CYTH1: variants seen among roughly 807,000 people sequenced by gnomAD.
CYTH1 encodes the protein cytohesin-1.
A neutral mutation model predicts 61.8 loss-of-function variants in CYTH1; 18 were observed. That is an observed-to-expected ratio of 0.29 (90% CI 0.20 to 0.43). CYTH1 has a LOEUF of 0.43. Ranked by LOEUF, CYTH1 falls within the 20% of genes least tolerant of loss-of-function variation. The pLI, the probability that CYTH1 is intolerant of heterozygous loss-of-function variation, is 1.00. For missense variants in CYTH1, 336 were observed against 510.5 expected (o/e 0.66, Z 3.29); for synonymous variants, 174 against 184.3 (o/e 0.94, Z 0.45).
intron 9 of CYTH1, 68 bp downstream of exon 9, chr17:78,698,189 GCACGCACGCACA>G (rs1198038617): frequency 8.9e-7 from 1 of 1,126,878 alleles, no homozygotes; most frequent in Admixed American, 1.9e-5. Context: ...GCGCACACAC[GCACGCACGCACA>G]CACGCACACA....
chr17:78,740,274 C>A (rs560032489), intron 1 of CYTH1, among the ~76,000 whole-genome samples: 2 of 152,294 alleles, frequency 1.3e-5, no homozygotes, highest in South Asian at 4.1e-4. Context: ...AACCAGGTCC[C>A]CCATCTCCAC....
chr17:78,679,980 A>G (rs1393795681), intron 13 of CYTH1, among the ~76,000 whole-genome samples: 3 of 152,226 alleles, frequency 2.0e-5, no homozygotes, highest in Non-Finnish European at 2.9e-5. Context: ...TGGGGAACCC[A>G]GATGGGACGT....
chr17:78,779,673 T>C (rs1420555925), intron 1 of CYTH1, among the ~76,000 whole-genome samples: 1 of 152,174 alleles, frequency 6.6e-6, no homozygotes, highest in East Asian at 1.9e-4. Flanking sequence ...AATGAGAAGA[T>C]GCTACCTGCT....
At chr17:78,736,522 A>T (rs2093320861) in intron 1 of CYTH1, among the ~76,000 whole-genome samples, 1 of 152,100 alleles carries the variant, frequency 6.6e-6, no homozygotes. Context: ...TTTCTCCTGA[A>T]AACAGTAAGA....
chr17:78,773,488 G>C (rs113048877), intron 1 of CYTH1, among the ~76,000 whole-genome samples: 35,392 of 151,314 alleles, frequency 0.23, 4,347 homozygotes, highest in Admixed American at 0.33. Context: ...AAATCAGCAG[G>C]GCATGGTGGC....
rs555011674 is a variant in CYTH1 at position 78,730,814 on chromosome 17, G to A, written c.23-21082C>T. Among the ~76,000 whole-genome samples, 1,334 of 151,650 alleles carry A rather than the reference G, an allele frequency of 8.8e-3. 23 individuals are homozygous for A. Among genetic ancestry groups the A allele is most frequent in the African/African-American group, 0.031 (1,264 of 41,372 alleles). ...CGAGTGGCTGGGACTACAGGCGCCC[G>A]CCACCACGCCCGGCTAATTTTTTGT... On this transcript the variant is annotated intron_variant, in intron 1 of 13. Coordinates refer to ENST00000446868, the MANE Select transcript of CYTH1 (RefSeq NM_004762.6).
In CYTH1 at chr17:78,690,440, T is replaced by TTTACTG. The variant is rs2092871326; in HGVS notation, c.891+1971_891+1976dup. ...AAAAAAAAAAAAAAAAAGAAATGTATTTACTGCTGGGTGCAGATCACCTGA... is the reference window on the plus strand; with the variant it reads ...AAAAAAAAAAAAAAAAAGAAATGTATTTACTGTTACTGCTGGGTGCAGATCACCTGA... On this transcript the variant is annotated intron_variant, in intron 11 of 13. Coordinates refer to ENST00000446868, the MANE Select transcript of CYTH1 (RefSeq NM_004762.6). 9.6e-5 allele frequency among the ~76,000 whole-genome samples: 10 copies of TTTACTG among 103,902 alleles called. 1 individual carries two copies. The South Asian group carries it at 2.9e-3, about 30-fold the overall frequency. The allele number at this position is 103,902 out of a possible 152,430, so 68.2% of individuals were successfully genotyped here. A position where few individuals can be genotyped will look rare whatever the true frequency, so the allele number is the denominator to read the frequency against.
At chr17:78,713,098 T>C (rs910154912) in intron 1 of CYTH1, among the ~76,000 whole-genome samples, 2 of 151,608 alleles carry the variant, frequency 1.3e-5, no homozygotes, top group Non-Finnish European at 2.9e-5. Flanking sequence ...TATATATATA[T>C]ATATTAAAAT....
intron 1 of CYTH1, among the ~76,000 whole-genome samples, chr17:78,764,719 C>T (rs1178259631): frequency 1.3e-5 from 2 of 152,068 alleles, no homozygotes; most frequent in Admixed American, 1.3e-4. Flanking sequence ...GTTTCTATAT[C>T]AAAAGCAGAG....
chr17:78,760,647 CTT>C (rs898337407), intron 1 of CYTH1, among the ~76,000 whole-genome samples: 1 of 147,614 alleles, frequency 6.8e-6, no homozygotes, highest in African/African-American at 2.5e-5. Flanking sequence ...TTAAAACCCT[CTT>C]TTCTAAACAC....
At chr17:78,711,314 T>TATAC (rs1555608846) in intron 1 of CYTH1, among the ~76,000 whole-genome samples, 1 of 142,442 alleles carries the variant, frequency 7.0e-6, no homozygotes, top group African/African-American at 2.7e-5. Flanking sequence ...TATATATATA[T>TATAC]ACACACACAC....
At chr17:78,701,002 G>A (rs1228134758) in intron 6 of CYTH1, among the ~76,000 whole-genome samples, 1 of 152,204 alleles carries the variant, frequency 6.6e-6, no homozygotes, top group Non-Finnish European at 1.5e-5. Context: ...CCCTACTGAG[G>A]AGTGGTTTCC....
chr17:78,779,400 C>CAA (rs56061178), intron 1 of CYTH1, among the ~76,000 whole-genome samples: 33 of 84,110 alleles, frequency 3.9e-4, no homozygotes, highest in East Asian at 6.6e-4. Context: ...AACTCCATCT[C>CAA]AAAAAAAAAA....
rs561912014 is a variant in CYTH1 at position 78,774,051 on chromosome 17, G to T, written c.22+8151C>A. On this transcript the variant is annotated intron_variant, in intron 1 of 13. Coordinates refer to ENST00000446868, the MANE Select transcript of CYTH1 (RefSeq NM_004762.6). The stretch of plus-strand genomic sequence containing the variant: ...TGTAACCACCAAATTCAGTTTGTTT[G>T]CTTGTTTGTTTTAAAAAAAAACTTT... Among the ~76,000 whole-genome samples the T allele has an allele frequency of 2.6e-5, 4 of 151,520 alleles. No homozygotes were observed. In the East Asian group the frequency reaches 5.8e-4, roughly 22 times the overall value.
chr17:78,676,052 C>T lies in CYTH1; in HGVS notation c.*39G>A. 1 of 1,578,582 alleles carries T rather than the reference C, an allele frequency of 6.3e-7. No individual in the cohort carries two copies. On this transcript the variant is annotated 3_prime_UTR_variant, in exon 14 of 14. Coordinates refer to ENST00000446868, the MANE Select transcript of CYTH1 (RefSeq NM_004762.6). Reference sequence around the variant, plus strand: ...TGGAGGTGCGGGAGAAGAGCAGGAGCTCCAAGGCCCCCGCAGACCAACGCC... The same window carrying T: ...TGGAGGTGCGGGAGAAGAGCAGGAGTTCCAAGGCCCCCGCAGACCAACGCC...
At chr17:78,745,802 G>T (rs2093357449) in intron 1 of CYTH1, among the ~76,000 whole-genome samples, 1 of 152,136 alleles carries the variant, frequency 6.6e-6, no homozygotes, top group South Asian at 2.1e-4. Flanking sequence ...TGAGGCAAGA[G>T]AATTGCTTCA....
chr17:78,697,676 G>C (rs1352848988), intron 9 of CYTH1, among the ~76,000 whole-genome samples: 1 of 152,136 alleles, frequency 6.6e-6, no homozygotes, highest in East Asian at 1.9e-4. Flanking sequence ...TGCAGCCAAG[G>C]GCTCTAGGCT....
At chr17:78,685,002 C>A (rs958579710) in intron 11 of CYTH1, among the ~76,000 whole-genome samples, 1 of 152,022 alleles carries the variant, frequency 6.6e-6, no homozygotes, top group African/African-American at 2.4e-5. Context: ...AGTTTGAGAC[C>A]AGCCTGACCA....
At chr17:78,726,217 T>G (rs1208439177) in intron 1 of CYTH1, among the ~76,000 whole-genome samples, 2 of 152,002 alleles carry the variant, frequency 1.3e-5, no homozygotes, top group East Asian at 3.9e-4. Flanking sequence ...CTAATTTTTT[T>G]GTATTTTTAG....
Sources: gnomAD v4.1 joint callset for allele counts (sites outside exome capture counted in the v4.1 genomes callset) on GRCh38, gnomAD v4.1.1 for gene constraint, MANE v1.5 for transcripts, NCBI Gene and HGNC (gene_info 2026-07-23, HGNC 2026-07-21) for gene names.